KATNA1: variants seen among roughly 807,000 people sequenced by gnomAD.
KATNA1 encodes katanin p60 ATPase-containing subunit A1.
Under a neutral mutation model 62.6 loss-of-function variants are expected in KATNA1, and 42 were observed. The ratio of observed to expected loss-of-function variants is 0.67; its 90% confidence interval spans 0.52 to 0.87. The LOEUF is 0.87. Among genes scored for constraint, KATNA1 ranks in the 40% least tolerant of loss-of-function variants. The probability of loss-of-function intolerance (pLI) is 0.00; values close to 1 mark genes in which losing one functional copy is unlikely to be tolerated. For missense variants in KATNA1, 498 were observed against 612.5 expected (o/e 0.81, Z 1.97); for synonymous variants, 186 against 201.9 (o/e 0.92, Z 0.67).
At chr6:149,614,316 G>A (rs1169965862) in intron 4 of KATNA1, among the ~76,000 whole-genome samples, 2 of 152,164 alleles carry the variant, frequency 1.3e-5, no homozygotes, top group African/African-American at 4.8e-5. Context: ...TCCTCCCATT[G>A]TTGCAAGCCC....
intron 10 of KATNA1, among the ~76,000 whole-genome samples, chr6:149,596,780 G>C (rs763847655): frequency 1.1e-4 from 17 of 152,018 alleles, no homozygotes; most frequent in Non-Finnish European, 1.8e-4. Flanking sequence ...ACCCAGGCCA[G>C]TCAAACTCCT....
chr6:149,618,672 C>T (rs1582779542), intron 4 of KATNA1, among the ~76,000 whole-genome samples: 1 of 152,136 alleles, frequency 6.6e-6, no homozygotes, highest in East Asian at 1.9e-4. Context: ...ATCCGGAAAT[C>T]CATGTATTTA....
rs146652509 is a variant in KATNA1 at position 149,630,254 on chromosome 6, G to A, written c.320+2505C>T. On this transcript the variant is annotated intron_variant, in intron 3 of 10. Transcript: ENST00000367411. Reference sequence around the variant, plus strand: ...ATGTGAAAGTGCGTATGAGGCAAGGGAAAAATTTAGTAAATATCCAAAGGA... The same window carrying A: ...ATGTGAAAGTGCGTATGAGGCAAGGAAAAAATTTAGTAAATATCCAAAGGA... 3.3e-3 allele frequency among the ~76,000 whole-genome samples: 496 copies of A among 152,360 alleles called. 4 individuals are homozygous for A. The highest frequency in any genetic ancestry group is 0.012 in the African/African-American group (481 of 41,588).
chr6:149,646,036 C>A (rs1780475670), intron 1 of KATNA1, among the ~76,000 whole-genome samples: 1 of 152,026 alleles, frequency 6.6e-6, no homozygotes, highest in Non-Finnish European at 1.5e-5. Flanking sequence ...GATACCTTAC[C>A]CATTTAATTT....
intron 4 of KATNA1, among the ~76,000 whole-genome samples, chr6:149,622,855 C>CA (rs61071938): frequency 0.96 from 144,528 of 149,882 alleles, 69,751 homozygotes; most frequent in Middle Eastern, 1. Context: ...ACTAATAATA[C>CA]AAAATTAGCT....
intron 7 of KATNA1, 76 bp from the exon 8 acceptor site, chr6:149,598,426 A>C: frequency 6.8e-7 from 1 of 1,463,644 alleles, no homozygotes; most frequent in Non-Finnish European, 9.4e-7. Context: ...ATTAGCAATC[A>C]GAAAATAGCT....
chr6:149,598,427 G>C, intron 7 of KATNA1, 77 bp from the exon 8 acceptor site: 1 of 1,446,298 alleles, frequency 6.9e-7, no homozygotes, highest in Non-Finnish European at 9.5e-7. Flanking sequence ...TTAGCAATCA[G>C]AAAATAGCTG....
At chr6:149,607,659 AG>A (rs1453016282) in intron 4 of KATNA1, among the ~76,000 whole-genome samples, 2 of 152,196 alleles carry the variant, frequency 1.3e-5, no homozygotes, top group East Asian at 1.9e-4. Flanking sequence ...AGTAACCAGT[AG>A]GAAGTGGAAA....
chr6:149,628,159 G>A (rs1451511679), intron 3 of KATNA1, among the ~76,000 whole-genome samples: 2 of 150,792 alleles, frequency 1.3e-5, no homozygotes, highest in African/African-American at 2.5e-5. Flanking sequence ...GTGCAGTGGC[G>A]CCATCTCGGC....
chr6:149,594,979 A>T lies in KATNA1; in HGVS notation c.*57T>A. On this transcript the variant is annotated 3_prime_UTR_variant, in exon 11 of 11. Transcript: ENST00000367411. The stretch of plus-strand genomic sequence containing the variant: ...AATATAGCACTCAGTACAATGAATT[A>T]CTGCATTTAATATTCAAACACTTAA... 1.5e-6 allele frequency: 2 copies of T among 1,332,284 alleles called. No individual in the cohort carries two copies. Among genetic ancestry groups the T allele is most frequent in the Non-Finnish European group, 2.1e-6 (2 of 932,400 alleles). 82.5% of individuals were successfully genotyped at this position (1,332,284 alleles called of 1,614,324 possible).
intron 4 of KATNA1, among the ~76,000 whole-genome samples, chr6:149,612,337 G>C (rs1255721137): frequency 6.6e-6 from 1 of 152,032 alleles, no homozygotes; most frequent in African/African-American, 2.4e-5. Flanking sequence ...GTGAAACTCT[G>C]TCTCTACTAA....
Position 149,615,690 on chromosome 6 carries a change from G to A in KATNA1, c.501+7413C>T, listed in dbSNP as rs772634218. On this transcript the variant is annotated intron_variant, in intron 4 of 10. Transcript: ENST00000367411. ...CAACTACCTGGGAGGCTGGGTAGGG[G>A]CGCGGATCACTGGAACTCAGGAGTT... Among the ~76,000 whole-genome samples the A allele has an allele frequency of 6.6e-4, 100 of 152,172 alleles. 1 individual carries two copies. The highest frequency in any genetic ancestry group is 8.5e-4 in the Admixed American group (13 of 15,262).
chr6:149,639,910 CATTTT>C (rs1254239804), intron 1 of KATNA1, among the ~76,000 whole-genome samples: 1 of 152,194 alleles, frequency 6.6e-6, no homozygotes, highest in African/African-American at 2.4e-5. Context: ...GCATGACACA[CATTTT>C]ATTAAACATC....
intron 3 of KATNA1, among the ~76,000 whole-genome samples, chr6:149,629,279 T>A (rs548296015): frequency 1.3e-5 from 2 of 152,236 alleles, no homozygotes; most frequent in Non-Finnish European, 2.9e-5. Flanking sequence ...AAAGCCCCAG[T>A]GCGCAATATG....
intron 1 of KATNA1, among the ~76,000 whole-genome samples, chr6:149,645,936 A>C (rs1189515586): frequency 5.3e-5 from 8 of 152,136 alleles, no homozygotes; most frequent in African/African-American, 1.9e-4. Context: ...GAAAAAGAAC[A>C]GGCAAAATAT....
At chr6:149,618,615 G>T (rs1009058233) in intron 4 of KATNA1, among the ~76,000 whole-genome samples, 2 of 152,112 alleles carry the variant, frequency 1.3e-5, no homozygotes, top group African/African-American at 4.8e-5. Flanking sequence ...AAACAGCATG[G>T]TACTGGCATA....
chr6:149,617,971 A>AAAAT (rs978909388), intron 4 of KATNA1, among the ~76,000 whole-genome samples: 23 of 67,612 alleles, frequency 3.4e-4, no homozygotes, highest in African/African-American at 1.3e-3. Flanking sequence ...AATAAATAAT[A>AAAAT]AAATAAATAA....
intron 9 of KATNA1, 38 bp from the exon 10 acceptor site, chr6:149,597,227 G>A (rs764457155): frequency 1.1e-5 from 17 of 1,602,124 alleles, no homozygotes; most frequent in Non-Finnish European, 8.5e-6. Flanking sequence ...TAAGCCTGCA[G>A]CATAAACATA....
rs1041590520 is a variant in KATNA1, at chr6:149,621,268, C to G, written c.501+1835G>C. ...CCTCCCCAGTAGCTGGGACTACAGG[C>G]GCCTGCCACCTCGCCTGGCTAATTT... On this transcript the variant is annotated intron_variant, in intron 4 of 10. Coordinates refer to ENST00000367411, the MANE Select transcript of KATNA1 (RefSeq NM_007044.4). 3.4e-5 allele frequency among the ~76,000 whole-genome samples: 5 copies of G among 146,680 alleles called. 1 individual carries two copies. The highest frequency in any genetic ancestry group is 2.0e-4 in the Admixed American group (3 of 14,668).
Sources: gnomAD v4.1 joint callset for allele counts (sites outside exome capture counted in the v4.1 genomes callset) on GRCh38, gnomAD v4.1.1 for gene constraint, MANE v1.5 for transcripts, NCBI Gene and HGNC (gene_info 2026-07-23, HGNC 2026-07-21) for gene names.